Variants in KIAA1549L observed in about 807,000 individuals in gnomAD.
KIAA1549L encodes KIAA1549 like, also known as UPF0606 protein KIAA1549L.
A neutral mutation model predicts 160.7 loss-of-function variants in KIAA1549L; 88 were observed. The ratio of observed to expected loss-of-function variants is 0.55; its 90% confidence interval spans 0.46 to 0.65. The LOEUF is 0.65. Among genes scored for constraint, KIAA1549L ranks in the 30% least tolerant of loss-of-function variants. The pLI is 0.00. For missense variants in KIAA1549L, 2,258 were observed against 2,437.5 expected (o/e 0.93, Z 1.55); for synonymous variants, 950 against 976.7 (o/e 0.97, Z 0.51).
intron 9 of KIAA1549L, among the ~76,000 whole-genome samples, chr11:33,574,336 C>T (rs1015892258): frequency 3.3e-5 from 5 of 152,108 alleles, no homozygotes; most frequent in African/African-American, 7.2e-5. Flanking sequence ...CAATTACAGA[C>T]ATTTGAATTT....
At chr11:33,489,905 C>T (rs1019184532) in intron 1 of KIAA1549L, among the ~76,000 whole-genome samples, 2 of 152,116 alleles carry the variant, frequency 1.3e-5, no homozygotes, top group African/African-American at 4.8e-5. Context: ...TTGTTATATG[C>T]GAGGCACTCA....
chr11:33,559,656 T>A (rs1854770793), intron 6 of KIAA1549L, 93 bp from the exon 7 acceptor site: 1 of 1,019,914 alleles, frequency 9.8e-7, no homozygotes, highest in Admixed American at 1.9e-5. Context: ...TTCCCTCAAC[T>A]CCTGCTTAGC....
Position 33,550,960 on chromosome 11 carries a change from G to A in KIAA1549L, c.3502-80G>A, listed in dbSNP as rs1012932502. ...TTCTCCAGTCTTGTTTCTAACAGCCGTGGTTCTAAGAAATACCAGGAAGAA... is the reference window on the plus strand; with the variant it reads ...TTCTCCAGTCTTGTTTCTAACAGCCATGGTTCTAAGAAATACCAGGAAGAA... On this transcript the variant is annotated intron_variant, in intron 4 of 20. Coordinates refer to ENST00000658780, the MANE Select transcript of KIAA1549L (RefSeq NM_012194.3). 38 of 1,113,136 alleles carry A rather than the reference G, an allele frequency of 3.4e-5. No individual in the cohort carries two copies. In the African/African-American group the frequency reaches 4.5e-4, roughly 13 times the overall value. 69.0% of individuals were successfully genotyped at this position (1,113,136 alleles called of 1,614,324 possible). A position where few individuals can be genotyped will look rare whatever the true frequency, so the allele number is the denominator to read the frequency against.
chr11:33,642,270 G>A (rs1265709014), intron 16 of KIAA1549L, among the ~76,000 whole-genome samples: 1 of 152,212 alleles, frequency 6.6e-6, no homozygotes, highest in Non-Finnish European at 1.5e-5. Context: ...GAAGAAATGT[G>A]TTAGGGAAAG....
At chr11:33,661,741 G>T (rs532317834) in intron 20 of KIAA1549L, among the ~76,000 whole-genome samples, 1 of 151,988 alleles carries the variant, frequency 6.6e-6, no homozygotes, top group Admixed American at 6.5e-5. Flanking sequence ...TTAGCTGGGC[G>T]TGATGGTGAG....
At chr11:33,574,989 G>A in intron 10 of KIAA1549L, 116 bp downstream of exon 10, 1 of 889,380 alleles carries the variant, frequency 1.1e-6, no homozygotes, top group Non-Finnish European at 1.8e-6. Context: ...TTTGTATTCT[G>A]GAAGGTTCTT....
At chr11:33,544,370 G>A (rs1854160638) in intron 2 of KIAA1549L, 34 bp downstream of exon 2, 1 of 1,605,030 alleles carries the variant, frequency 6.2e-7, no homozygotes, top group African/African-American at 1.3e-5. Flanking sequence ...TTGTTTCCCG[G>A]TACCCCCAAA....
chr11:33,537,550 C>G (rs1453996639), intron 1 of KIAA1549L, among the ~76,000 whole-genome samples: 4 of 152,126 alleles, frequency 2.6e-5, no homozygotes, highest in Non-Finnish European at 5.9e-5. Flanking sequence ...TGACTTTAAG[C>G]CAGCTCATTT....
At chr11:33,645,128 G>A (rs1445544281) in intron 16 of KIAA1549L, among the ~76,000 whole-genome samples, 1 of 152,240 alleles carries the variant, frequency 6.6e-6, no homozygotes, top group Non-Finnish European at 1.5e-5. Context: ...TTAAAGCACA[G>A]ATGGCTGGGC....
intron 4 of KIAA1549L, among the ~76,000 whole-genome samples, chr11:33,549,003 C>T (rs1478226386): frequency 6.6e-6 from 1 of 152,158 alleles, no homozygotes; most frequent in Non-Finnish European, 1.5e-5. Context: ...GATTTCTGCA[C>T]CAGAAACTTT....
intron 1 of KIAA1549L, among the ~76,000 whole-genome samples, chr11:33,407,387 G>A (rs1287445442): frequency 6.6e-6 from 1 of 151,938 alleles, no homozygotes; most frequent in East Asian, 1.9e-4. Context: ...TGTCGCTTAG[G>A]CTGGAGTGCG....
At chr11:33,425,831 C>T (rs539291075) in intron 1 of KIAA1549L, among the ~76,000 whole-genome samples, 12 of 152,304 alleles carry the variant, frequency 7.9e-5, no homozygotes, top group Non-Finnish European at 1.3e-4. Flanking sequence ...TTTTGATGCA[C>T]AGAGCAAAAG....
At chr11:33,488,564 A>G (rs1351635196) in intron 1 of KIAA1549L, among the ~76,000 whole-genome samples, 1 of 152,200 alleles carries the variant, frequency 6.6e-6, no homozygotes, top group Non-Finnish European at 1.5e-5. Context: ...CTCATTCAGT[A>G]AAACAACTAT....
At chr11:33,490,409 C>G (rs117986297) in intron 1 of KIAA1549L, among the ~76,000 whole-genome samples, 1 of 151,676 alleles carries the variant, frequency 6.6e-6, no homozygotes, top group African/African-American at 2.4e-5. Flanking sequence ...CTGCAACCTC[C>G]GCCCTCTGGG....
intron 11 of KIAA1549L, among the ~76,000 whole-genome samples, chr11:33,588,199 T>C (rs547442737): frequency 1.1e-3 from 172 of 152,348 alleles, no homozygotes; most frequent in Middle Eastern, 6.8e-3. Context: ...CAAATGAAGC[T>C]GAAACTGAGC....
At chr11:33,490,490 T>C (rs887808310) in intron 1 of KIAA1549L, among the ~76,000 whole-genome samples, 4 of 151,966 alleles carry the variant, frequency 2.6e-5, no homozygotes, top group African/African-American at 9.7e-5. Flanking sequence ...TGCCTAGCTA[T>C]GTTTTTGCAT....
intron 16 of KIAA1549L, among the ~76,000 whole-genome samples, chr11:33,640,826 A>T (rs1245566255): frequency 6.6e-6 from 1 of 152,218 alleles, no homozygotes; most frequent in Admixed American, 6.5e-5. Context: ...TTATAAAAAC[A>T]GCTTTTTGAA....
In KIAA1549L at chr11:33,583,450, C is replaced by T. The variant is rs971229908; in HGVS notation, c.4515C>T (p.Asn1505=). The change falls in exon 11 of 21, where the codon AAC becomes AAT. Residue 1505 remains asparagine, a synonymous_variant. Coordinates refer to ENST00000658780, the MANE Select transcript of KIAA1549L (RefSeq NM_012194.3). The stretch of plus-strand genomic sequence containing the variant: ...TCACTGCCGTGCTCTGCAGGAAGAA[C>T]AAGAACGACTTCAAGCCTGACACCA... The part of the protein sequence containing the change: ...IIITAVLCRK[N]KNDFKPDTMI... 2.5e-6 allele frequency: 4 copies of T among 1,588,510 alleles called. No homozygotes were observed. The highest frequency in any genetic ancestry group is 4.6e-5 in the East Asian group (2 of 43,520).
At chr11:33,451,883 T>A (rs1373836188) in intron 1 of KIAA1549L, among the ~76,000 whole-genome samples, 1 of 152,204 alleles carries the variant, frequency 6.6e-6, no homozygotes, top group Non-Finnish European at 1.5e-5. Context: ...CAAGACCAAT[T>A]AGCTGTCATT....
Sources: allele counts gnomAD v4.1 joint callset (sites outside exome capture counted in the v4.1 genomes callset), GRCh38; gene constraint gnomAD v4.1.1; transcripts MANE v1.5; gene names NCBI Gene and HGNC (gene_info 2026-07-23, HGNC 2026-07-21).